Variants in SYNE1 observed in about 807,000 individuals in gnomAD.
SYNE1 encodes the protein spectrin repeat containing nuclear envelope protein 1, also known as nesprin-1.
A neutral mutation model predicts 1,111.0 loss-of-function variants in SYNE1; 616 were observed. That is an observed-to-expected ratio of 0.55 (90% CI 0.52 to 0.59). SYNE1 has a LOEUF of 0.59. Among genes scored for constraint, SYNE1 ranks in the 20% least tolerant of loss-of-function variants. SYNE1 has a pLI of 0.00. For missense variants in SYNE1, 10,006 were observed against 10,417.0 expected (o/e 0.96, Z 1.72); for synonymous variants, 3,855 against 3,825.8 (o/e 1.01, Z -0.28).
At chr6:152,508,327 C>A (rs76467266) in intron 8 of SYNE1, among the ~76,000 whole-genome samples, 2 of 152,114 alleles carry the variant, frequency 1.3e-5, no homozygotes, top group South Asian at 4.1e-4. Flanking sequence ...AACCCTCAGG[C>A]CCAGGATTCT....
Position 152,381,172 on chromosome 6 carries a change from A to T in SYNE1, c.8843T>A (p.Val2948Asp). The T allele has an allele frequency of 1.9e-6, 3 of 1,614,210 alleles. No homozygotes were observed. Among genetic ancestry groups the T allele is most frequent in the Non-Finnish European group, 2.5e-6 (3 of 1,180,034 alleles). Reference protein sequence around the residue: ...FQTQSCLENLVSQMALSEQEF... With the variant: ...FQTQSCLENLDSQMALSEQEF... Reference sequence around the variant, plus strand: ...CTGCTCCGAAAGGGCCATCTGGCTGACCAGGTTCTCCAAACAGCTCTGCGT... The same window carrying T: ...CTGCTCCGAAAGGGCCATCTGGCTGTCCAGGTTCTCCAAACAGCTCTGCGT... The change falls in exon 56 of 146, where the codon GTC (valine) becomes GAC (aspartate). Residue 2948 changes from valine to aspartate, a missense_variant. Transcript: ENST00000367255.
chr6:152,524,763 T>G (rs1463387833), intron 5 of SYNE1, among the ~76,000 whole-genome samples: 2 of 152,158 alleles, frequency 1.3e-5, no homozygotes, highest in African/African-American at 4.8e-5. Context: ...TGAGGGTTAC[T>G]GCTATTGGCA....
chr6:152,298,218 A>T (rs1343559546), intron 93 of SYNE1, among the ~76,000 whole-genome samples: 1 of 152,246 alleles, frequency 6.6e-6, no homozygotes, highest in African/African-American at 2.4e-5. Context: ...AAATGAGGGT[A>T]TCAAGGGACT....
intron 100 of SYNE1, among the ~76,000 whole-genome samples, chr6:152,265,891 T>G (rs1334087794): frequency 3.3e-5 from 5 of 152,142 alleles, no homozygotes; most frequent in African/African-American, 1.2e-4. Context: ...CCAAGTCACA[T>G]TTATAGTCTT....
At chr6:152,433,237 G>A in intron 34 of SYNE1, among the ~76,000 whole-genome samples, 1 of 152,144 alleles carries the variant, frequency 6.6e-6, no homozygotes, top group South Asian at 2.1e-4. Context: ...GCCAATGATA[G>A]TCTATCCACC....
intron 93 of SYNE1, among the ~76,000 whole-genome samples, chr6:152,300,173 G>T (rs2095095102): frequency 6.6e-6 from 1 of 151,922 alleles, no homozygotes; most frequent in South Asian, 2.1e-4. Context: ...TCCTTACATT[G>T]GTACACAAGT....
At chr6:152,584,673 G>A (rs2099531631) in intron 3 of SYNE1, among the ~76,000 whole-genome samples, 1 of 151,986 alleles carries the variant, frequency 6.6e-6, no homozygotes, top group Non-Finnish European at 1.5e-5. Context: ...AAAATGCTGG[G>A]GTTACAGGCA....
At position 152,221,570 on chromosome 6, in the gene SYNE1, A is replaced by G. The variant is rs1467455394; in HGVS notation, c.21523-11T>C. On this transcript the variant is annotated splice_polypyrimidine_tract_variant and intron_variant, in intron 117 of 145. Transcript: ENST00000367255. ...ATCATCTTGGAGATTCTGCCCCAAA[A>G]AAAAGACCCATAGATGACATAACAG... The G allele has an allele frequency of 1.1e-5, 17 of 1,613,570 alleles. No individual in the cohort carries two copies. The highest frequency in any genetic ancestry group is 1.4e-5 in the Non-Finnish European group (17 of 1,179,914).
chr6:152,611,020 G>A (rs955891295), intron 3 of SYNE1, among the ~76,000 whole-genome samples: 5 of 152,042 alleles, frequency 3.3e-5, no homozygotes, highest in African/African-American at 9.7e-5. Flanking sequence ...AGAAACAATC[G>A]CTACCAGCCA....
intron 3 of SYNE1, among the ~76,000 whole-genome samples, chr6:152,566,046 G>C (rs1328020866): frequency 6.6e-6 from 1 of 152,132 alleles, no homozygotes; most frequent in East Asian, 1.9e-4. Context: ...TGTAAACTTA[G>C]TTCCTTTACA....
intron 69 of SYNE1, among the ~76,000 whole-genome samples, chr6:152,352,865 A>G (rs529099351): frequency 1.3e-5 from 2 of 152,348 alleles, no homozygotes; most frequent in Admixed American, 6.5e-5. Context: ...CTTGATCAAT[A>G]TATCATTTCC....
Position 152,385,875 on chromosome 6 carries a change from C to T in SYNE1, c.8488-37G>A, listed in dbSNP as rs747811192. 4 of 1,607,828 alleles carry T rather than the reference C, an allele frequency of 2.5e-6. No homozygotes were observed. The Admixed American group carries it at 5.0e-5, about 20-fold the overall frequency. On this transcript the variant is annotated intron_variant, in intron 54 of 145. Transcript: ENST00000367255. ...AGAAAAGACTACCTTAACAGTGGTCCTTTTGAGAACATGAACTCAGGTAAG... is the reference window on the plus strand; with the variant it reads ...AGAAAAGACTACCTTAACAGTGGTCTTTTTGAGAACATGAACTCAGGTAAG...
At position 152,231,533 on chromosome 6, in the gene SYNE1, G is replaced by A. The variant is rs754035062; in HGVS notation, c.20897C>T (p.Thr6966Ile). 2 of 1,613,972 alleles carry A rather than the reference G, an allele frequency of 1.2e-6. No individual in the cohort carries two copies. Among genetic ancestry groups the A allele is most frequent in the South Asian group, 1.1e-5 (1 of 91,070 alleles). The change falls in exon 114 of 146, where the codon ACA becomes ATA. Residue 6966 changes from threonine to isoleucine, a missense_variant. Transcript: ENST00000367255. Reference sequence around the variant, plus strand: ...CACGGACTGGTTCACAAAATCCACTGTCAGCTGTTTACAGTTAATGTCTAT... The same window carrying A: ...CACGGACTGGTTCACAAAATCCACTATCAGCTGTTTACAGTTAATGTCTAT... ...FKIDINCKQL[T>I]VDFVNQSVLQ...
chr6:152,289,953 C>T (rs1157204504), intron 95 of SYNE1, among the ~76,000 whole-genome samples: 1 of 140,828 alleles, frequency 7.1e-6, no homozygotes, highest in African/African-American at 2.6e-5. Context: ...TTTAAGCCTA[C>T]AGTACCTGGT....
chr6:152,453,718 C>T lies in SYNE1; in HGVS notation c.2895G>A (p.Glu965=), dbSNP rs753822557. The change falls in exon 25 of 146, where the codon GAG becomes GAA. Residue 965 remains glutamate, a splice_region_variant and synonymous_variant. Transcript: ENST00000367255. ...CCCTCTGATCCAGCTGACTGAAAAA[C>T]TCCTGACATGGAAGGGGAAAGTGGG... ...DPEELLRRHT[E]FFSQLDQRVL... 4 of 1,614,162 alleles carry T rather than the reference C, an allele frequency of 2.5e-6. No individual in the cohort carries two copies. The highest frequency in any genetic ancestry group is 1.1e-5 in the South Asian group (1 of 91,082).
Position 152,254,928 on chromosome 6 carries a change from T to C in SYNE1, c.19422A>G (p.Gln6474=), listed in dbSNP as rs1348761461. 1.2e-6 allele frequency: 2 copies of C among 1,613,916 alleles called. No homozygotes were observed. Among genetic ancestry groups the C allele is most frequent in the Admixed American group, 1.7e-5 (1 of 60,014 alleles). Reference sequence around the variant, plus strand: ...GTCTTTCTTTCATCTGATGACATCGTTGATTCACTACTGAGTCTAGCAAGG... The same window carrying C: ...GTCTTTCTTTCATCTGATGACATCGCTGATTCACTACTGAGTCTAGCAAGG... The part of the protein sequence containing the change: ...RLSLLDSVVN[Q]RCHQMKERLQ... Residue 6474 remains glutamine, a synonymous_variant, in exon 104 of 146, where the codon CAA becomes CAG. Coordinates refer to ENST00000367255, the MANE Select transcript of SYNE1 (RefSeq NM_182961.4).
At chr6:152,221,637 T>C in intron 117 of SYNE1, 78 bp from the exon 118 acceptor site, 1 of 1,582,910 alleles carries the variant, frequency 6.3e-7, no homozygotes, top group African/African-American at 1.3e-5. Context: ...AATTTGTATA[T>C]GTTTTCATAA....
chr6:152,540,247 A>C (rs778135573), intron 3 of SYNE1, among the ~76,000 whole-genome samples: 8 of 152,194 alleles, frequency 5.3e-5, no homozygotes, highest in Non-Finnish European at 8.8e-5. Flanking sequence ...GCCATTTGTT[A>C]GCCCTATGTT....
chr6:152,522,587 T>G (rs1344156372), intron 5 of SYNE1, among the ~76,000 whole-genome samples: 1 of 152,204 alleles, frequency 6.6e-6, no homozygotes, highest in Non-Finnish European at 1.5e-5. Flanking sequence ...GTGGGATTGC[T>G]GTATCAAATG....
Sources: allele counts gnomAD v4.1 joint callset (sites outside exome capture counted in the v4.1 genomes callset), GRCh38; gene constraint gnomAD v4.1.1; transcripts MANE v1.5; gene names NCBI Gene and HGNC (gene_info 2026-07-23, HGNC 2026-07-21).